UNC5D: variants seen among roughly 807,000 people sequenced by gnomAD.
UNC5D encodes unc-5 netrin receptor D.
UNC5D carries 39 observed loss-of-function variants against 105.4 expected under a neutral mutation model. That is an observed-to-expected ratio of 0.37 (90% confidence interval 0.29 to 0.48). The LOEUF (loss-of-function observed/expected upper bound fraction) is 0.48. Ranked by LOEUF, UNC5D falls within the 20% of genes least tolerant of loss-of-function variation. The pLI, the probability that UNC5D is intolerant of heterozygous loss-of-function variation, is 0.98. For missense variants in UNC5D, 991 were observed against 1,202.4 expected (o/e 0.82, Z 2.60); for synonymous variants, 452 against 450.4 (o/e 1.00, Z -0.04).
chr8:35,298,122 G>C (rs1036961210), intron 1 of UNC5D, among the ~76,000 whole-genome samples: 2 of 152,148 alleles, frequency 1.3e-5, no homozygotes, highest in South Asian at 4.1e-4. Context: ...CAAGTCCTGG[G>C]AGCAGCAGCT....
chr8:35,755,439 C>T (rs1343188055), intron 13 of UNC5D, among the ~76,000 whole-genome samples: 2 of 151,582 alleles, frequency 1.3e-5, no homozygotes, highest in African/African-American at 4.9e-5. Context: ...TCACGTAAAG[C>T]ATTTAAAGGA....
intron 1 of UNC5D, among the ~76,000 whole-genome samples, chr8:35,354,885 C>T (rs1360864549): frequency 6.6e-6 from 1 of 152,160 alleles, no homozygotes; most frequent in Non-Finnish European, 1.5e-5. Context: ...TTCTCTGTGA[C>T]CAGTCCTTCC....
chr8:35,423,852 CTTTTT>C (rs200270722), intron 1 of UNC5D, among the ~76,000 whole-genome samples: 2 of 135,110 alleles, frequency 1.5e-5, no homozygotes, highest in Admixed American at 7.5e-5. Context: ...ATAAGGAGTA[CTTTTT>C]TTTTTTTTTT....
chr8:35,612,936 C>A (rs1205080377), intron 4 of UNC5D, among the ~76,000 whole-genome samples: 2 of 152,044 alleles, frequency 1.3e-5, no homozygotes, highest in South Asian at 4.1e-4. Flanking sequence ...TAGGTCCCTG[C>A]AGTCAGGTGG....
chr8:35,498,808 C>T (rs1236923922), intron 1 of UNC5D, among the ~76,000 whole-genome samples: 1 of 152,072 alleles, frequency 6.6e-6, no homozygotes, highest in African/African-American at 2.4e-5. Context: ...TGATTTACAC[C>T]ATAGTTGGCA....
intron 3 of UNC5D, among the ~76,000 whole-genome samples, chr8:35,588,713 T>G (rs1453920533): frequency 6.6e-6 from 1 of 152,118 alleles, no homozygotes; most frequent in Non-Finnish European, 1.5e-5. Context: ...AAGAAGGCTA[T>G]TGCACTTCTA....
chr8:35,416,409 A>C (rs1805539025), intron 1 of UNC5D, among the ~76,000 whole-genome samples: 1 of 152,206 alleles, frequency 6.6e-6, no homozygotes, highest in Non-Finnish European at 1.5e-5. Flanking sequence ...TATACTTAAA[A>C]AATGACTAAT....
chr8:35,684,075 C>T (rs1046985974), intron 5 of UNC5D, among the ~76,000 whole-genome samples: 2 of 152,190 alleles, frequency 1.3e-5, no homozygotes, highest in African/African-American at 4.8e-5. Context: ...AACACTCACC[C>T]CAGTTTTTCC....
At chr8:35,536,549 C>T (rs933770496) in intron 1 of UNC5D, among the ~76,000 whole-genome samples, 1 of 152,154 alleles carries the variant, frequency 6.6e-6, no homozygotes, top group African/African-American at 2.4e-5. Flanking sequence ...GTATGTTCTT[C>T]CCTGCACAAG....
chr8:35,298,051 T>G (rs1332344491), intron 1 of UNC5D, among the ~76,000 whole-genome samples: 1 of 152,162 alleles, frequency 6.6e-6, no homozygotes, highest in Non-Finnish European at 1.5e-5. Flanking sequence ...AGGAGTCCTG[T>G]CTGCAGACTA....
At chr8:35,475,335 A>G (rs1460973561) in intron 1 of UNC5D, among the ~76,000 whole-genome samples, 1 of 152,188 alleles carries the variant, frequency 6.6e-6, no homozygotes, top group Non-Finnish European at 1.5e-5. Context: ...ATGCCTACAC[A>G]GTAGCCAAGT....
intron 7 of UNC5D, among the ~76,000 whole-genome samples, chr8:35,699,116 A>G (rs953409296): frequency 6.6e-6 from 1 of 152,200 alleles, no homozygotes; most frequent in Admixed American, 6.5e-5. Context: ...ATTCATCACA[A>G]AAACTAACAC....
intron 1 of UNC5D, among the ~76,000 whole-genome samples, chr8:35,347,719 C>T (rs949862106): frequency 6.6e-6 from 1 of 151,912 alleles, no homozygotes; most frequent in Non-Finnish European, 1.5e-5. Flanking sequence ...GAGAAAGAGG[C>T]CAGGCCTCAA....
chr8:35,649,788 C>T (rs1823287552), intron 4 of UNC5D, among the ~76,000 whole-genome samples: 1 of 152,126 alleles, frequency 6.6e-6, no homozygotes, highest in Non-Finnish European at 1.5e-5. Flanking sequence ...CTAGAAAGTA[C>T]CTGACCAGTG....
In UNC5D at chr8:35,587,780, A is replaced by G. The variant is rs1586191268; in HGVS notation, c.467-7774A>G. ...CTAGTACAGAGATGCTTGACAACTC[A>G]GAAGAAAGGGATCTTTTTTTGGACG... On this transcript the variant is annotated intron_variant, in intron 3 of 16. Coordinates refer to ENST00000404895, the MANE Select transcript of UNC5D (RefSeq NM_080872.4). 2.0e-5 allele frequency among the ~76,000 whole-genome samples: 3 copies of G among 151,988 alleles called. No individual in the cohort carries two copies. In the East Asian group the frequency reaches 5.8e-4, roughly 30 times the overall value.
chr8:35,656,143 C>T (rs1444202994), intron 4 of UNC5D, among the ~76,000 whole-genome samples: 2 of 152,234 alleles, frequency 1.3e-5, no homozygotes, highest in East Asian at 1.9e-4. Context: ...TCTGCCTCTC[C>T]GCTGATAGGG....
At chr8:35,403,176 A>G (rs556396930) in intron 1 of UNC5D, among the ~76,000 whole-genome samples, 4 of 152,352 alleles carry the variant, frequency 2.6e-5, no homozygotes, top group African/African-American at 7.2e-5. Context: ...GCTATTTGTA[A>G]TGTTCTTACC....
intron 1 of UNC5D, among the ~76,000 whole-genome samples, chr8:35,276,068 C>T (rs762828908): frequency 2.6e-5 from 4 of 152,026 alleles, no homozygotes; most frequent in South Asian, 2.1e-4. Context: ...GAAGATACAA[C>T]GTGTTTTTTT....
chr8:35,448,232 C>T (rs548113881), intron 1 of UNC5D, among the ~76,000 whole-genome samples: 1 of 152,010 alleles, frequency 6.6e-6, no homozygotes, highest in Admixed American at 6.6e-5. Flanking sequence ...TCTTTTTGAC[C>T]AGTGGGGTTT....
Sources: allele counts gnomAD v4.1 joint callset (sites outside exome capture counted in the v4.1 genomes callset), GRCh38; gene constraint gnomAD v4.1.1; transcripts MANE v1.5; gene names NCBI Gene and HGNC (gene_info 2026-07-23, HGNC 2026-07-21).